TUSC3: variants seen among roughly 807,000 people sequenced by gnomAD.
TUSC3 encodes the protein dolichyl-diphosphooligosaccharide--protein glycosyltransferase subunit TUSC3.
In TUSC3, 45 loss-of-function variants were observed where a neutral mutation model predicts 44.8. The ratio of observed to expected loss-of-function variants is 1.00; its 90% CI spans 0.79 to 1.29. The LOEUF (loss-of-function observed/expected upper bound fraction) is 1.29, where lower values mean the gene tolerates loss of function less well. TUSC3 is among the 50% of genes most tolerant of loss of function. TUSC3 has a pLI of 0.00. For missense variants in TUSC3, 519 were observed against 437.9 expected (o/e 1.19, Z -1.65); for synonymous variants, 212 against 152.9 (o/e 1.39, Z -2.85).
intron 1 of TUSC3, among the ~76,000 whole-genome samples, chr8:15,457,237 A>C (rs1453605941): frequency 2.6e-5 from 4 of 152,068 alleles, no homozygotes; most frequent in East Asian, 3.9e-4. Context: ...TAATGGGTGC[A>C]GCACACCAAC....
chr8:15,611,763 G>T (rs892632477), intron 1 of TUSC3, among the ~76,000 whole-genome samples: 4 of 152,098 alleles, frequency 2.6e-5, no homozygotes, highest in Non-Finnish European at 5.9e-5. Flanking sequence ...AGGTGGTATA[G>T]TGCTTAATCT....
At chr8:15,735,232 G>A (rs145645167) in intron 7 of TUSC3, among the ~76,000 whole-genome samples, 303 of 151,906 alleles carry the variant, frequency 2.0e-3, no homozygotes, top group Non-Finnish European at 3.0e-3. Flanking sequence ...TCATCCTCCA[G>A]CATGAACCTA....
downstream of TUSC3, among the ~76,000 whole-genome samples, chr8:15,767,697 T>C (rs1302508774): frequency 6.6e-6 from 1 of 152,116 alleles, no homozygotes; most frequent in Non-Finnish European, 1.5e-5. Flanking sequence ...AGAAATGGTG[T>C]TTGCTTTGAC....
At chr8:15,481,574 A>T (rs1800661667) in intron 1 of TUSC3, among the ~76,000 whole-genome samples, 1 of 152,124 alleles carries the variant, frequency 6.6e-6, no homozygotes, top group South Asian at 2.1e-4. Flanking sequence ...TTTGTTCCAG[A>T]CCACCGCAAT....
chr8:15,613,192 A>T (rs2059902), intron 1 of TUSC3, among the ~76,000 whole-genome samples: 28,591 of 150,330 alleles, frequency 0.19, 2,728 homozygotes, highest in South Asian at 0.27. Context: ...ATTTGTGCCA[A>T]ATTTGGGGAC....
intron 8 of TUSC3, 114 bp downstream of exon 8, chr8:15,743,726 G>C (rs940041504): frequency 1.7e-6 from 2 of 1,178,910 alleles, no homozygotes; most frequent in Non-Finnish European, 2.5e-6. Context: ...AAATGTTCTG[G>C]TTTGAAGAAG....
chr8:15,545,776 A>G (rs569965493), intron 1 of TUSC3, among the ~76,000 whole-genome samples: 2 of 151,688 alleles, frequency 1.3e-5, no homozygotes, highest in Non-Finnish European at 1.5e-5. Flanking sequence ...TGCTGCATTT[A>G]CTTTTTCATT....
the TUSC3 span, among the ~76,000 whole-genome samples, chr8:15,811,814 C>A: frequency 6.6e-5 from 10 of 152,052 alleles, no homozygotes; most frequent in Non-Finnish European, 1.0e-4. Flanking sequence ...TTTTAAGTTT[C>A]CTTGAGGGCT....
intron 3 of TUSC3, among the ~76,000 whole-genome samples, chr8:15,653,660 C>A (rs1175433289): frequency 6.6e-6 from 1 of 152,080 alleles, no homozygotes; most frequent in African/African-American, 2.4e-5. Context: ...TTTTAAAATG[C>A]AGAAATGTGT....
intron 1 of TUSC3, among the ~76,000 whole-genome samples, chr8:15,547,540 A>G (rs1801914863): frequency 6.6e-6 from 1 of 151,764 alleles, no homozygotes; most frequent in Non-Finnish European, 1.5e-5. Context: ...AAATAAAAAT[A>G]AAACAAGCAA....
At chr8:15,541,599 T>C (rs939619102) in intron 1 of TUSC3, among the ~76,000 whole-genome samples, 8 of 152,160 alleles carry the variant, frequency 5.3e-5, no homozygotes, top group Admixed American at 2.6e-4. Flanking sequence ...GAAACAAATA[T>C]TGTGTGTTCA....
At chr8:15,836,027 G>C in the TUSC3 span, among the ~76,000 whole-genome samples, 1 of 151,852 alleles carries the variant, frequency 6.6e-6, no homozygotes, top group African/African-American at 2.4e-5. Context: ...CTTTATTTCA[G>C]TTTTTTTCTG....
rs188566217 is a variant in TUSC3 at position 15,686,951 on chromosome 8, C to T, written c.798+13115C>T. ...GGCATGGTGGCAGGCGCCTGTAGTCCGGTCCCAGCTACTCGGGAGGCTGAG... is the reference window on the plus strand; with the variant it reads ...GGCATGGTGGCAGGCGCCTGTAGTCTGGTCCCAGCTACTCGGGAGGCTGAG... On this transcript the variant is annotated intron_variant, in intron 6 of 10. Coordinates refer to ENST00000503731, the MANE Select transcript of TUSC3 (RefSeq NM_006765.4). 4.1e-3 allele frequency among the ~76,000 whole-genome samples: 618 copies of T among 152,074 alleles called. 4 individuals carry two copies. The highest frequency in any genetic ancestry group is 0.014 in the African/African-American group (579 of 41,480).
chr8:15,798,650 G>GTGT, the TUSC3 span, among the ~76,000 whole-genome samples: 4 of 87,534 alleles, frequency 4.6e-5, no homozygotes, highest in South Asian at 1.5e-3. Flanking sequence ...CTGGGTGTGT[G>GTGT]GGGGGGGTCC....
intron 1 of TUSC3, among the ~76,000 whole-genome samples, chr8:15,582,940 C>T (rs1200742407): frequency 6.6e-6 from 1 of 152,204 alleles, no homozygotes; most frequent in Non-Finnish European, 1.5e-5. Flanking sequence ...GTATATACCT[C>T]AAATTGCAAT....
the TUSC3 span, among the ~76,000 whole-genome samples, chr8:15,839,472 C>G: frequency 6.6e-6 from 1 of 151,656 alleles, no homozygotes; most frequent in Admixed American, 6.6e-5. Context: ...TTGCAATCTA[C>G]TCATCTGACA....
At chr8:15,516,224 T>G (rs1238262883) in intron 2 of TUSC3, among the ~76,000 whole-genome samples, 1 of 152,220 alleles carries the variant, frequency 6.6e-6, no homozygotes, top group African/African-American at 2.4e-5. Context: ...TATTCTGTCC[T>G]TGATATATTC....
chr8:15,439,019 G>A (rs950622695), intron 1 of TUSC3, among the ~76,000 whole-genome samples: 7 of 152,172 alleles, frequency 4.6e-5, no homozygotes, highest in South Asian at 2.1e-4. Context: ...CCCTCTGACC[G>A]GAAGGAGCAA....
downstream of TUSC3, among the ~76,000 whole-genome samples, chr8:15,768,832 G>A (rs1265374270): frequency 6.6e-6 from 1 of 152,058 alleles, no homozygotes; most frequent in African/African-American, 2.4e-5. Flanking sequence ...ATTCACAATT[G>A]CTACAAAAAG....
Sources: gnomAD v4.1 joint callset for allele counts (sites outside exome capture counted in the v4.1 genomes callset) on GRCh38, gnomAD v4.1.1 for gene constraint, MANE v1.5 for transcripts, NCBI Gene and HGNC (gene_info 2026-07-23, HGNC 2026-07-21) for gene names.